Variants in PDGFD observed in about 807,000 individuals in gnomAD.
PDGFD encodes platelet derived growth factor D, also known as platelet-derived growth factor D.
In PDGFD, 30 loss-of-function variants were observed where a neutral mutation model predicts 44.7. The observed-to-expected ratio is 0.67, with a 90% CI of 0.50 to 0.91. PDGFD has a LOEUF of 0.91. Ranked by LOEUF, PDGFD falls within the 40% of genes least tolerant of loss-of-function variation. PDGFD has a pLI of 0.00. For missense variants in PDGFD, 445 were observed against 457.8 expected, an observed-to-expected ratio of 0.97 and a Z score of 0.25; for synonymous variants, 173 against 168.4, an observed-to-expected ratio of 1.03 and a Z score of -0.21.
At chr11:104,155,204 A>C (rs1362623741) in intron 1 of PDGFD, among the ~76,000 whole-genome samples, 1 of 152,196 alleles carries the variant, frequency 6.6e-6, no homozygotes, top group Non-Finnish European at 1.5e-5. Flanking sequence ...TCTGGTTGAA[A>C]TACATACATA....
intron 1 of PDGFD, among the ~76,000 whole-genome samples, chr11:104,057,043 G>C (rs1020356025): frequency 6.6e-6 from 1 of 152,124 alleles, no homozygotes; most frequent in Non-Finnish European, 1.5e-5. Context: ...CAGGGGAATC[G>C]CTTGAACCTA....
intron 1 of PDGFD, among the ~76,000 whole-genome samples, chr11:104,032,652 C>CTTTT (rs202215171): frequency 0.013 from 1,822 of 138,008 alleles, 27 homozygotes; most frequent in African/African-American, 0.045. Flanking sequence ...GGATTTTTTT[C>CTTTT]TTTTTTTTTT....
chr11:104,163,694 G>T, intron 1 of PDGFD, 110 bp downstream of exon 1: 1 of 1,304,746 alleles, frequency 7.7e-7, no homozygotes, highest in Non-Finnish European at 1.0e-6. Flanking sequence ...AATGCATTCA[G>T]CCCGAGTTCA....
At chr11:103,920,389 C>T (rs1858195893) in intron 6 of PDGFD, among the ~76,000 whole-genome samples, 1 of 152,218 alleles carries the variant, frequency 6.6e-6, no homozygotes, top group African/African-American at 2.4e-5. Context: ...GTTCAGCCTA[C>T]CAATTGCAGA....
chr11:104,090,967 G>C (rs192142574), intron 1 of PDGFD, among the ~76,000 whole-genome samples: 4 of 152,102 alleles, frequency 2.6e-5, no homozygotes, highest in Admixed American at 2.6e-4. Flanking sequence ...AACTTGGCCT[G>C]CAAACTCGTT....
At chr11:103,965,044 T>A (rs927733463) in intron 3 of PDGFD, among the ~76,000 whole-genome samples, 1 of 151,750 alleles carries the variant, frequency 6.6e-6, no homozygotes, top group African/African-American at 2.4e-5. Flanking sequence ...AGCATGAGTA[T>A]AGGTTCCCTC....
At position 104,144,538 on chromosome 11, in the gene PDGFD, A is replaced by AAAAAAACC. The variant is rs1565347744; in HGVS notation, c.124+19265_124+19266insGGTTTTTT. ...AAAAAAAAAAAAAAAACCCAACAAAACAAAACAAACAAACAAAAAGGCCAA... is the reference window on the plus strand; with the variant it reads ...AAAAAAAAAAAAAAAACCCAACAAAAAAAAAACCCAAAACAAACAAACAAAAAGGCCAA... On this transcript the variant is annotated intron_variant, in intron 1 of 6. Coordinates refer to ENST00000393158, the MANE Select transcript of PDGFD (RefSeq NM_025208.5). Among the ~76,000 whole-genome samples the AAAAAAACC allele has an allele frequency of 1.2e-3, 163 of 134,234 alleles. 4 individuals are homozygous for AAAAAAACC. Among genetic ancestry groups the AAAAAAACC allele is most frequent in the African/African-American group, 4.8e-3 (155 of 32,310 alleles). The allele number at this position is 134,234 out of a possible 152,430, so 88.1% of individuals were successfully genotyped here.
At chr11:104,061,380 C>A (rs1435083668) in intron 1 of PDGFD, among the ~76,000 whole-genome samples, 1 of 151,990 alleles carries the variant, frequency 6.6e-6, no homozygotes, top group Admixed American at 6.6e-5. Context: ...GATTTTGCAA[C>A]CCATATAACC....
At chr11:104,091,258 C>T (rs545798691) in intron 1 of PDGFD, among the ~76,000 whole-genome samples, 1 of 152,004 alleles carries the variant, frequency 6.6e-6, no homozygotes, top group African/African-American at 2.4e-5. Context: ...ATTGGTTTTC[C>T]TTTCTTAAAA....
At chr11:104,050,617 G>A (rs1053867867) in intron 1 of PDGFD, among the ~76,000 whole-genome samples, 13 of 152,118 alleles carry the variant, frequency 8.5e-5, no homozygotes, top group East Asian at 1.9e-4. Flanking sequence ...AAGTGATAAC[G>A]TGTGGGTCTG....
intron 1 of PDGFD, among the ~76,000 whole-genome samples, chr11:104,069,155 G>C (rs544364468): frequency 1.3e-5 from 2 of 152,124 alleles, no homozygotes; most frequent in Non-Finnish European, 2.9e-5. Context: ...ATCTGAAAGC[G>C]TTTCTGAGTC....
chr11:104,152,620 G>A (rs1017238123), intron 1 of PDGFD, among the ~76,000 whole-genome samples: 3 of 152,018 alleles, frequency 2.0e-5, no homozygotes, highest in African/African-American at 7.2e-5. Context: ...ATGACAAAAA[G>A]GATTCATTCT....
At chr11:104,130,279 A>G (rs1861902231) in intron 1 of PDGFD, among the ~76,000 whole-genome samples, 1 of 152,012 alleles carries the variant, frequency 6.6e-6, no homozygotes, top group Non-Finnish European at 1.5e-5. Context: ...TAATGCAACC[A>G]CAGTTTCTTG....
intron 3 of PDGFD, among the ~76,000 whole-genome samples, chr11:103,990,744 CTA>C (rs1254386508): frequency 6.6e-6 from 1 of 151,870 alleles, no homozygotes; most frequent in Admixed American, 6.6e-5. Context: ...CAGTCCTTGG[CTA>C]TATATATATA....
chr11:104,066,222 A>G (rs1233271181), intron 1 of PDGFD, among the ~76,000 whole-genome samples: 1 of 152,184 alleles, frequency 6.6e-6, no homozygotes, highest in Non-Finnish European at 1.5e-5. Context: ...ATAAGCCATG[A>G]TTTGTTAAAA....
At chr11:104,087,626 C>G (rs922484470) in intron 1 of PDGFD, among the ~76,000 whole-genome samples, 1 of 152,126 alleles carries the variant, frequency 6.6e-6, no homozygotes, top group African/African-American at 2.4e-5. Flanking sequence ...GCGAATGTCC[C>G]ACAGATTACT....
At chr11:104,072,957 T>C (rs1860902733) in intron 1 of PDGFD, among the ~76,000 whole-genome samples, 2 of 152,106 alleles carry the variant, frequency 1.3e-5, no homozygotes, top group Admixed American at 1.3e-4. Context: ...TCTAAAAGTA[T>C]ATTAATTCCT....
intron 1 of PDGFD, among the ~76,000 whole-genome samples, chr11:104,145,157 C>T (rs148179663): frequency 1.2e-4 from 19 of 152,104 alleles, no homozygotes; most frequent in Non-Finnish European, 2.6e-4. Context: ...AAATACATAG[C>T]GAGCAAGTGG....
At chr11:103,989,897 G>T (rs1437166222) in intron 3 of PDGFD, among the ~76,000 whole-genome samples, 1 of 151,820 alleles carries the variant, frequency 6.6e-6, no homozygotes, top group African/African-American at 2.4e-5. Flanking sequence ...ATTATAATTT[G>T]GTAGGACAGT....
Sources: allele counts gnomAD v4.1 joint callset (sites outside exome capture counted in the v4.1 genomes callset), GRCh38; gene constraint gnomAD v4.1.1; transcripts MANE v1.5; gene names NCBI Gene and HGNC (gene_info 2026-07-23, HGNC 2026-07-21).